The following PTCHD4 variants were observed in gnomAD, a reference collection of about 807,000 sequenced individuals.
The protein encoded by PTCHD4 is patched domain-containing protein 4.
PTCHD4 carries 33 observed loss-of-function variants against 58.1 expected under a neutral mutation model. The ratio of observed to expected loss-of-function variants is 0.57; its 90% CI spans 0.43 to 0.76. The LOEUF (loss-of-function observed/expected upper bound fraction) is 0.76. PTCHD4 is among the 30% of genes least tolerant of loss of function. PTCHD4 has a pLI of 0.00. For missense variants in PTCHD4, 1,058 were observed against 1,027.1 expected, an observed-to-expected ratio of 1.03 and a Z score of -0.41; for synonymous variants, 478 against 409.6, an observed-to-expected ratio of 1.17 and a Z score of -2.02.
In PTCHD4 at chr6:47,861,675, G is replaced by C. The variant is rs1763429200; in HGVS notation, c.*16628C>G. 6.6e-6 allele frequency among the ~76,000 whole-genome samples: 1 copy of C among 151,860 alleles called. No individual in the cohort carries two copies. The highest frequency in any genetic ancestry group is 6.6e-5 in the Admixed American group (1 of 15,206). The stretch of plus-strand genomic sequence containing the variant: ...TTTTAGATTAATAGCAGGTTAATTA[G>C]GTTAATAGCAGGCAAATAAATAATA... On this transcript the variant is annotated 3_prime_UTR_variant, in exon 5 of 5. Transcript: ENST00000339488.
chr6:48,059,803 A>G (rs1764553511), intron 3 of PTCHD4, among the ~76,000 whole-genome samples: 1 of 151,940 alleles, frequency 6.6e-6, no homozygotes, highest in Non-Finnish European at 1.5e-5. Context: ...ACCTCTATCC[A>G]CAGTGTCTTT....
intron 4 of PTCHD4, among the ~76,000 whole-genome samples, chr6:47,887,289 AT>A (rs1237656396): frequency 6.6e-6 from 1 of 150,382 alleles, no homozygotes; most frequent in African/African-American, 2.4e-5. Context: ...TATAAAATTT[AT>A]TGAGGAATTA....
Position 48,068,513 on chromosome 6 carries a change from A to G in PTCHD4, c.134T>C (p.Val45Ala), listed in dbSNP as rs1460794795. 1.2e-6 allele frequency: 2 copies of G among 1,612,834 alleles called. No homozygotes were observed. Among genetic ancestry groups the G allele is most frequent in the East Asian group, 4.5e-5 (2 of 44,834 alleles). Residue 45 changes from valine to alanine, a missense_variant, in exon 3 of 5, where the codon GTG becomes GCG. Transcript: ENST00000339488. This position sits in a 1 kb window ranked among gnomAD's most constrained non-coding sequence, Gnocchi z 4.2. ...VSRHPVFFLT[V>A]PAVLTITFGL... ...GAAGGTGATTGTCAGGACTGCGGGC[A>G]CGGTGAGGAAAAAGACCGGGTGCCG...
In PTCHD4 at chr6:47,871,506, T is replaced by A. The variant is rs544726801; in HGVS notation, c.*6797A>T. Among the ~76,000 whole-genome samples the A allele has an allele frequency of 6.0e-4, 91 of 151,714 alleles. No homozygotes were observed. The highest frequency in any genetic ancestry group is 2.1e-3 in the African/African-American group (88 of 41,488). Reference sequence around the variant, plus strand: ...GAGTCAATTTTTGAGCTCTGGGATATCTGTAGGGAGACAACTAACAACTGC... The same window carrying A: ...GAGTCAATTTTTGAGCTCTGGGATAACTGTAGGGAGACAACTAACAACTGC... On this transcript the variant is annotated 3_prime_UTR_variant, in exon 5 of 5. Coordinates refer to ENST00000339488, the MANE Select transcript of PTCHD4 (RefSeq NM_001384253.1).
intron 3 of PTCHD4, among the ~76,000 whole-genome samples, chr6:48,041,559 A>G (rs1416379962): frequency 6.6e-6 from 1 of 151,886 alleles, no homozygotes; most frequent in African/African-American, 2.4e-5. Flanking sequence ...AGCACTCTCA[A>G]CTTTTATCAC....
At position 47,862,893 on chromosome 6, in the gene PTCHD4, C is replaced by T. The variant is rs1441590230; in HGVS notation, c.*15410G>A. ...CTAGTTCTTTAAGATGCTCCATGAACATAATGACCCATGGTCAATTATATC... is the reference window on the plus strand; with the variant it reads ...CTAGTTCTTTAAGATGCTCCATGAATATAATGACCCATGGTCAATTATATC... On this transcript the variant is annotated 3_prime_UTR_variant, in exon 5 of 5. Coordinates refer to ENST00000339488, the MANE Select transcript of PTCHD4 (RefSeq NM_001384253.1). Among the ~76,000 whole-genome samples, 3 of 151,840 alleles carry T rather than the reference C, an allele frequency of 2.0e-5. No homozygotes were observed. Among genetic ancestry groups the T allele is most frequent in the Non-Finnish European group, 2.9e-5 (2 of 67,866 alleles).
In PTCHD4 at chr6:48,041,274, T is replaced by A. The variant is rs139183539; in HGVS notation, c.417+26956A>T. Among the ~76,000 whole-genome samples the A allele has an allele frequency of 4.6e-5, 7 of 152,182 alleles. No individual in the cohort carries two copies. The East Asian group carries it at 1.2e-3, about 25-fold the overall frequency. ...TACCACCTCTTGTAGTTTCTGACCA[T>A]GTTCACTTTCCCTTACTTAGTAATA... On this transcript the variant is annotated intron_variant, in intron 3 of 4. Transcript: ENST00000339488.
chr6:47,910,215 T>C (rs1765026038), intron 4 of PTCHD4, among the ~76,000 whole-genome samples: 1 of 152,134 alleles, frequency 6.6e-6, no homozygotes, highest in Non-Finnish European at 1.5e-5. Context: ...TTTATTCACT[T>C]TATGATATGA....
chr6:47,963,162 AG>A (rs1767162059), intron 4 of PTCHD4, among the ~76,000 whole-genome samples: 1 of 151,924 alleles, frequency 6.6e-6, no homozygotes, highest in Admixed American at 6.6e-5. Flanking sequence ...TAAATAAAAA[AG>A]AAAAAAAGAA....
chr6:47,961,766 G>T (rs190092028), intron 4 of PTCHD4, among the ~76,000 whole-genome samples: 34 of 152,166 alleles, frequency 2.2e-4, no homozygotes, highest in African/African-American at 8.2e-4. Flanking sequence ...GCCACTAAAA[G>T]AATACTTAGG....
intron 4 of PTCHD4, among the ~76,000 whole-genome samples, chr6:47,917,922 C>T (rs1765310102): frequency 6.6e-6 from 1 of 152,110 alleles, no homozygotes; most frequent in Non-Finnish European, 1.5e-5. Flanking sequence ...ATTTCATCTC[C>T]AGGCATAACG....
intron 4 of PTCHD4, among the ~76,000 whole-genome samples, chr6:47,946,607 T>C (rs1766428318): frequency 6.6e-6 from 1 of 152,202 alleles, no homozygotes; most frequent in African/African-American, 2.4e-5. Flanking sequence ...ATAAACAGCA[T>C]ATAGTTGTAT....
At chr6:47,976,764 G>C (rs1217569348) in intron 4 of PTCHD4, among the ~76,000 whole-genome samples, 1 of 151,522 alleles carries the variant, frequency 6.6e-6, no homozygotes, top group Non-Finnish European at 1.5e-5. Context: ...AATATAAATA[G>C]ATAATTTACA....
chr6:48,011,339 G>A (rs1247369346), intron 3 of PTCHD4, among the ~76,000 whole-genome samples: 1 of 152,118 alleles, frequency 6.6e-6, no homozygotes, highest in East Asian at 1.9e-4. Context: ...GTGATGATGA[G>A]GTTTTCTTCA....
chr6:47,879,566 C>A lies in PTCHD4; in HGVS notation c.1269G>T (p.Met423Ile). ...GGGACGTCTGTTGATGCCCATCACT[C>A]ATCACTGTCTGGAACCACACAGGTT... ...DRKPVWFQTV[M>I]SDGHQQTSHH... The change falls in exon 5 of 5, where the codon ATG becomes ATT. Residue 423 changes from methionine to isoleucine, a missense_variant. By Grantham distance (10) the Met-to-Ile change is conservative (BLOSUM62 1). Coordinates refer to ENST00000339488, the MANE Select transcript of PTCHD4 (RefSeq NM_001384253.1). The A allele has an allele frequency of 6.2e-7, 1 of 1,613,770 alleles. No individual in the cohort carries two copies. The highest frequency in any genetic ancestry group is 8.5e-7 in the Non-Finnish European group (1 of 1,179,784).
chr6:48,017,852 A>G (rs555212401), intron 3 of PTCHD4, among the ~76,000 whole-genome samples: 2 of 152,354 alleles, frequency 1.3e-5, no homozygotes, highest in South Asian at 4.1e-4. Flanking sequence ...AGGTACTATA[A>G]CGTAATGGTT....
chr6:47,997,010 A>G (rs1768517792), intron 4 of PTCHD4, among the ~76,000 whole-genome samples: 1 of 152,262 alleles, frequency 6.6e-6, no homozygotes, highest in East Asian at 1.9e-4. Flanking sequence ...GTGGCAACAC[A>G]GTAAAGTATA....
intron 4 of PTCHD4, chr6:47,899,482 G>C (rs999317943): frequency 1.8e-6 from 1 of 553,310 alleles, no homozygotes; most frequent in Non-Finnish European, 2.3e-6. Flanking sequence ...TCTTGAGTTT[G>C]AATTCATTTT....
chr6:47,894,057 C>T (rs981352819), intron 4 of PTCHD4, among the ~76,000 whole-genome samples: 4 of 152,150 alleles, frequency 2.6e-5, no homozygotes, highest in Non-Finnish European at 4.4e-5. Context: ...GAGGAGAACA[C>T]GGTTGAGTTG....
Sources: gnomAD v4.1 joint callset for allele counts (sites outside exome capture counted in the v4.1 genomes callset) on GRCh38, gnomAD v4.1.1 for gene constraint, Gnocchi (gnomAD v3.1) non-coding constraint, MANE v1.5 for transcripts, NCBI Gene and HGNC (gene_info 2026-07-23, HGNC 2026-07-21) for gene names.